VAV2: variants seen among roughly 807,000 people sequenced by gnomAD.
The protein encoded by VAV2 is guanine nucleotide exchange factor VAV2.
VAV2 carries 67 observed loss-of-function variants against 132.5 expected under a neutral mutation model. The ratio of observed to expected loss-of-function variants is 0.51; its 90% CI spans 0.42 to 0.62. The LOEUF is 0.62. VAV2 is among the 20% of genes least tolerant of loss of function. VAV2 has a pLI of 0.00. For synonymous variants in VAV2, 492 were observed against 443.5 expected, an observed-to-expected ratio of 1.11 and a Z score of -1.37; for missense variants, 938 against 1,153.6, an observed-to-expected ratio of 0.81 and a Z score of 2.71.
Position 133,881,895 on chromosome 9 carries a change from C to T in VAV2, c.322-20463G>A, listed in dbSNP as rs769554351. 3.4e-4 allele frequency among the ~76,000 whole-genome samples: 52 copies of T among 152,188 alleles called. 1 individual carries two copies. Among genetic ancestry groups the T allele is most frequent in the Admixed American group, 5.2e-4 (8 of 15,286 alleles). ...GCGCAGATCAGACACGCAGCAAGTA[C>T]GTGCTGAGAACCTGCCAGGGCGCCT... On this transcript the variant is annotated intron_variant, in intron 2 of 29. Transcript: ENST00000371850.
At chr9:133,782,425 C>T (rs920024570) in intron 19 of VAV2, among the ~76,000 whole-genome samples, 1 of 152,138 alleles carries the variant, frequency 6.6e-6, no homozygotes, top group Non-Finnish European at 1.5e-5. Flanking sequence ...CCAGGGGCTG[C>T]GGGATCCTGT....
chr9:133,960,478 T>C (rs998950462), intron 1 of VAV2, among the ~76,000 whole-genome samples: 1 of 152,220 alleles, frequency 6.6e-6, no homozygotes. Flanking sequence ...GACTCCCACA[T>C]GCATGGGAGG....
intron 2 of VAV2, among the ~76,000 whole-genome samples, chr9:133,874,699 C>T (rs184011547): frequency 2.5e-4 from 38 of 152,152 alleles, no homozygotes; most frequent in African/African-American, 8.9e-4. Context: ...CCAAGAACCT[C>T]CTGCGCTGCT....
At chr9:133,846,529 T>A (rs1238941934) in intron 3 of VAV2, among the ~76,000 whole-genome samples, 1 of 151,308 alleles carries the variant, frequency 6.6e-6, no homozygotes, top group Non-Finnish European at 1.5e-5. Context: ...CCCTCACACG[T>A]TGCTCCCTCC....
chr9:133,873,504 T>C (rs549513645), intron 2 of VAV2, among the ~76,000 whole-genome samples: 1 of 152,342 alleles, frequency 6.6e-6, no homozygotes. Flanking sequence ...GGGCAGACGC[T>C]GCCTGTGAAA....
chr9:133,971,922 T>C lies in VAV2; in HGVS notation c.204+20153A>G, dbSNP rs1046124098. ...CTGGGGCTGCAGATCCCCGAGCCCT[T>C]GGTCACTTCAAAGGGCAGAAAACAA... On this transcript the variant is annotated intron_variant, in intron 1 of 29. Coordinates refer to ENST00000371850, the MANE Select transcript of VAV2 (RefSeq NM_001134398.2). Among the ~76,000 whole-genome samples the C allele has an allele frequency of 7.9e-5, 12 of 152,178 alleles. No individual in the cohort carries two copies. The East Asian group carries it at 2.3e-3, about 29-fold the overall frequency.
intron 2 of VAV2, among the ~76,000 whole-genome samples, chr9:133,898,748 TCCTGGCAGGTTCC>T (rs1347768740): frequency 6.6e-6 from 1 of 151,640 alleles, no homozygotes; most frequent in Non-Finnish European, 1.5e-5. Context: ...GCTGTGGCTC[TCCTGGCAGGTTCC>T]CCTGGTCAGA....
intron 2 of VAV2, among the ~76,000 whole-genome samples, chr9:133,915,114 G>A (rs1391534177): frequency 1.3e-5 from 2 of 152,116 alleles, no homozygotes; most frequent in Non-Finnish European, 2.9e-5. Flanking sequence ...TTCTCCATTA[G>A]TGTCCCCTTT....
intron 25 of VAV2, among the ~76,000 whole-genome samples, chr9:133,772,857 C>A (rs1833678852): frequency 6.6e-6 from 1 of 151,828 alleles, no homozygotes; most frequent in Admixed American, 6.6e-5. Context: ...TACTGCACAC[C>A]CCACACCTAG....
chr9:133,976,080 A>C lies in VAV2; in HGVS notation c.204+15995T>G, dbSNP rs907403919. Among the ~76,000 whole-genome samples the C allele has an allele frequency of 5.0e-4, 76 of 151,850 alleles. 2 individuals are homozygous for C. Among genetic ancestry groups the C allele is most frequent in the Admixed American group, 5.9e-4 (9 of 15,242 alleles). On this transcript the variant is annotated intron_variant, in intron 1 of 29. Coordinates refer to ENST00000371850, the MANE Select transcript of VAV2 (RefSeq NM_001134398.2). ...AAATTAGCCAGGCGTGGTGGTGGGC[A>C]CCTGTAATCCCAGCTACTCGGGAGG...
At chr9:133,843,262 G>C (rs77924753) in intron 3 of VAV2, among the ~76,000 whole-genome samples, 4,499 of 152,280 alleles carry the variant, frequency 0.03, 215 homozygotes, top group African/African-American at 0.1. Context: ...GGGTGGCAGG[G>C]AGTCTGAACC....
chr9:133,907,120 G>A (rs921068091), intron 2 of VAV2, among the ~76,000 whole-genome samples: 64 of 152,216 alleles, frequency 4.2e-4, no homozygotes, highest in Admixed American at 1.7e-3. Context: ...TTCAGCCAAG[G>A]CCCCAAACAT....
chr9:133,809,973 G>T (rs1835298250), intron 6 of VAV2, among the ~76,000 whole-genome samples: 1 of 152,172 alleles, frequency 6.6e-6, no homozygotes, highest in Non-Finnish European at 1.5e-5. Flanking sequence ...GCTTGGGTCT[G>T]CCAGGCTGCA....
At chr9:133,853,597 A>G (rs561163251) in intron 3 of VAV2, among the ~76,000 whole-genome samples, 1 of 152,206 alleles carries the variant, frequency 6.6e-6, no homozygotes, top group South Asian at 2.1e-4. Context: ...ATCACCCTGC[A>G]CTACAGCCAA....
chr9:133,764,134 CTGTG>C (rs34181788), intron 29 of VAV2, 25 bp from the exon 30 acceptor site: 19,770 of 1,458,590 alleles, frequency 0.014, 235 homozygotes, highest in African/African-American at 0.07. Flanking sequence ...AAGATCGTGT[CTGTG>C]TGTGTGTGTG....
intron 2 of VAV2, among the ~76,000 whole-genome samples, chr9:133,907,780 G>C (rs1282687361): frequency 6.6e-6 from 1 of 152,240 alleles, no homozygotes; most frequent in African/African-American, 2.4e-5. Context: ...GTAACAAAGA[G>C]AATGCCAGTC....
intron 3 of VAV2, among the ~76,000 whole-genome samples, chr9:133,848,236 C>T (rs1441285021): frequency 1.1e-4 from 15 of 141,566 alleles, no homozygotes; most frequent in Non-Finnish European, 2.1e-4. Flanking sequence ...GCCGAGATCG[C>T]GCCATTGCAC....
intron 19 of VAV2, among the ~76,000 whole-genome samples, chr9:133,782,568 C>A (rs1834049479): frequency 6.6e-6 from 1 of 152,168 alleles, no homozygotes; most frequent in Non-Finnish European, 1.5e-5. Flanking sequence ...GATCTAAAAT[C>A]ACAGCTCAAA....
At chr9:133,852,973 C>T (rs989930178) in intron 3 of VAV2, among the ~76,000 whole-genome samples, 2 of 152,138 alleles carry the variant, frequency 1.3e-5, no homozygotes, top group Admixed American at 6.5e-5. Flanking sequence ...GAGAGTCACC[C>T]GATTCTCTCA....
Sources: gnomAD v4.1 joint callset for allele counts (sites outside exome capture counted in the v4.1 genomes callset) on GRCh38, gnomAD v4.1.1 for gene constraint, MANE v1.5 for transcripts, NCBI Gene and HGNC (gene_info 2026-07-23, HGNC 2026-07-21) for gene names.